The following UBE2K variants were observed in gnomAD, a reference collection of about 807,000 sequenced individuals.
UBE2K encodes the protein ubiquitin conjugating enzyme E2 K.
In UBE2K, 6 loss-of-function variants were observed where a neutral mutation model predicts 30.0. The ratio of observed to expected loss-of-function variants is 0.20; its 90% CI spans 0.11 to 0.39. The LOEUF (loss-of-function observed/expected upper bound fraction) is 0.39. Among genes scored for constraint, UBE2K ranks in the 10% least tolerant of loss-of-function variants. UBE2K has a pLI of 1.00. For missense variants in UBE2K, 61 were observed against 241.6 expected (o/e 0.25, Z 4.96); for synonymous variants, 86 against 83.7 (o/e 1.03, Z -0.15).
At chr4:39,745,667 G>T in intron 2 of UBE2K, 85 bp from the exon 3 acceptor site, 2 of 851,478 alleles carry the variant, frequency 2.3e-6, no homozygotes, top group Non-Finnish European at 1.9e-6. Flanking sequence ...ATATAAAATA[G>T]CTGCTCTGAA....
chr4:39,776,715 A>G (rs1713303674), intron 5 of UBE2K, among the ~76,000 whole-genome samples: 1 of 152,046 alleles, frequency 6.6e-6, no homozygotes, highest in South Asian at 2.1e-4. Context: ...GTATATATGT[A>G]TATATCCTTG....
intron 1 of UBE2K, among the ~76,000 whole-genome samples, chr4:39,705,037 A>ATGTTTTTTTT (rs558966753): frequency 6.7e-6 from 1 of 149,224 alleles, no homozygotes; most frequent in Non-Finnish European, 1.5e-5. Context: ...TGCATGGCTA[A>ATGTTTTTTTT]TGTTTTTTTT....
At position 39,763,541 on chromosome 4, in the gene UBE2K, C is replaced by T. The variant is rs540864453; in HGVS notation, c.299+7802C>T. Among the ~76,000 whole-genome samples, 19 of 151,922 alleles carry T rather than the reference C, an allele frequency of 1.3e-4. No individual in the cohort carries two copies. The East Asian group carries it at 3.3e-3, about 27-fold the overall frequency. On this transcript the variant is annotated intron_variant, in intron 4 of 6. Transcript: ENST00000261427. Reference sequence around the variant, plus strand: ...CTGGGATTACAGGCATGAGCCACCACGCCCAGCCAAAACACTTAAAACAAC... The same window carrying T: ...CTGGGATTACAGGCATGAGCCACCATGCCCAGCCAAAACACTTAAAACAAC...
intron 1 of UBE2K, among the ~76,000 whole-genome samples, chr4:39,698,859 G>T (rs1379419869): frequency 6.6e-6 from 1 of 152,172 alleles, no homozygotes; most frequent in Non-Finnish European, 1.5e-5. Context: ...GGCCTTCACT[G>T]TTCTTTTCTT....
chr4:39,727,471 C>T (rs528079730), intron 1 of UBE2K, among the ~76,000 whole-genome samples: 2 of 152,294 alleles, frequency 1.3e-5, no homozygotes, highest in South Asian at 2.1e-4. Context: ...AGGTGATTTT[C>T]CCACTTCAGC....
chr4:39,728,857 C>T (rs1401550334), intron 1 of UBE2K, among the ~76,000 whole-genome samples: 2 of 143,778 alleles, frequency 1.4e-5, no homozygotes, highest in Non-Finnish European at 3.0e-5. Flanking sequence ...TTAGTAGAGA[C>T]GGGGTTTCAC....
intron 4 of UBE2K, among the ~76,000 whole-genome samples, chr4:39,757,007 T>TTG (rs1553878975): frequency 8.5e-6 from 1 of 117,614 alleles, no homozygotes; most frequent in Non-Finnish European, 1.7e-5. Flanking sequence ...GGTGTTTTTT[T>TTG]TTTGTTTTTT....
chr4:39,762,936 CTTTTTTTTTTTTTTTTTT>C (rs869207095), intron 4 of UBE2K, among the ~76,000 whole-genome samples: 1 of 78,652 alleles, frequency 1.3e-5, no homozygotes, highest in African/African-American at 4.8e-5. Flanking sequence ...CCAAAAAACA[CTTTTTTTTTTTTTTTTTT>C]TTTTTTTTTG....
chr4:39,738,463 A>G (rs990354367), intron 2 of UBE2K, among the ~76,000 whole-genome samples: 2 of 152,156 alleles, frequency 1.3e-5, no homozygotes, highest in African/African-American at 4.8e-5. Context: ...TTGACTTAAT[A>G]TTGGAAGTGG....
At position 39,778,344 on chromosome 4, in the gene UBE2K, C is replaced by G. The variant is rs202040675; in HGVS notation, c.529-16C>G. The G allele has an allele frequency of 1.3e-6, 2 of 1,569,498 alleles. No individual in the cohort carries two copies. Among genetic ancestry groups the G allele is most frequent in the African/African-American group, 1.4e-5 (1 of 73,892 alleles). On this transcript the variant is annotated splice_polypyrimidine_tract_variant and intron_variant, in intron 6 of 6. Coordinates refer to ENST00000261427, the MANE Select transcript of UBE2K (RefSeq NM_005339.5). The stretch of plus-strand genomic sequence containing the variant: ...TCCTTGAGATTTAATTTCCTGTCCC[C>G]TTTTCTTCTCTACAGAATGCAGTAA...
At chr4:39,744,484 T>C (rs1720879703) in intron 2 of UBE2K, among the ~76,000 whole-genome samples, 1 of 152,088 alleles carries the variant, frequency 6.6e-6, no homozygotes, top group African/African-American at 2.4e-5. Flanking sequence ...GATAAGCTTT[T>C]TAAAAATGCT....
intron 3 of UBE2K, among the ~76,000 whole-genome samples, chr4:39,746,784 G>A (rs1721009216): frequency 6.6e-6 from 1 of 152,246 alleles, no homozygotes; most frequent in Non-Finnish European, 1.5e-5. Context: ...TATGAGGCCC[G>A]AGTATCACTT....
At chr4:39,739,442 ATTT>A (rs35957337) in intron 2 of UBE2K, among the ~76,000 whole-genome samples, 2 of 105,790 alleles carry the variant, frequency 1.9e-5, no homozygotes, top group African/African-American at 7.9e-5. Flanking sequence ...CTGTTTATTC[ATTT>A]TTTTTTTTTT....
In UBE2K at chr4:39,756,312, T is replaced by C. The variant is rs946554415; in HGVS notation, c.299+573T>C. On this transcript the variant is annotated intron_variant, in intron 4 of 6. Transcript: ENST00000261427. ...ATCTTGGCTCTCCAGTTTACCAAGC[T>C]GCATGGTTATGAGCAAATTACCTAA... Among the ~76,000 whole-genome samples, 3 of 152,254 alleles carry C rather than the reference T, an allele frequency of 2.0e-5. No individual in the cohort carries two copies. The East Asian group carries it at 5.8e-4, about 29-fold the overall frequency.
chr4:39,759,784 A>T (rs2109383221), intron 4 of UBE2K, among the ~76,000 whole-genome samples: 1 of 152,354 alleles, frequency 6.6e-6, no homozygotes, highest in East Asian at 1.9e-4. Flanking sequence ...AGGTATGCTC[A>T]GCATCATTAC....
chr4:39,771,576 G>A (rs1260453365), intron 4 of UBE2K, among the ~76,000 whole-genome samples: 1 of 152,158 alleles, frequency 6.6e-6, no homozygotes, highest in East Asian at 1.9e-4. Context: ...GGGCGGGAGG[G>A]TGTATAGGGC....
intron 1 of UBE2K, 112 bp downstream of exon 1, chr4:39,698,502 C>T (rs981592582): frequency 1.2e-5 from 12 of 971,288 alleles, no homozygotes; most frequent in Admixed American, 1.0e-4. Context: ...TGCGGCCGCC[C>T]TTCTGCCTGT....
At chr4:39,759,393 C>T (rs932681619) in intron 4 of UBE2K, among the ~76,000 whole-genome samples, 3 of 152,162 alleles carry the variant, frequency 2.0e-5, no homozygotes, top group Non-Finnish European at 4.4e-5. Flanking sequence ...TCTCCTGCCT[C>T]GGCCTCCTAA....
At chr4:39,729,214 G>A (rs1484983669) in intron 1 of UBE2K, among the ~76,000 whole-genome samples, 3 of 151,442 alleles carry the variant, frequency 2.0e-5, no homozygotes, top group Non-Finnish European at 2.9e-5. Flanking sequence ...TAGATGATCC[G>A]CCCACCTTGA....
Sources: allele counts gnomAD v4.1 joint callset (sites outside exome capture counted in the v4.1 genomes callset), GRCh38; gene constraint gnomAD v4.1.1; transcripts MANE v1.5; gene names NCBI Gene and HGNC (gene_info 2026-07-23, HGNC 2026-07-21).